Variants in ARPIN observed in about 807,000 individuals in gnomAD.
ARPIN encodes the protein actin related protein 2/3 complex inhibitor.
A neutral mutation model predicts 25.9 loss-of-function variants in ARPIN; 23 were observed. The observed-to-expected ratio is 0.89, with a 90% CI of 0.64 to 1.26. The LOEUF is 1.26. Among genes scored for constraint, ARPIN ranks in the 50% most tolerant of loss-of-function variants. The pLI, the probability that ARPIN is intolerant of heterozygous loss-of-function variation, is 0.00. For missense variants in ARPIN, 333 were observed against 312.2 expected (o/e 1.07, Z -0.50); for synonymous variants, 126 against 131.4 (o/e 0.96, Z 0.28).
In ARPIN at chr15:89,903,248, C is replaced by T; in HGVS notation, c.640G>A (p.Glu214Lys). 6.2e-7 allele frequency: 1 copy of T among 1,614,248 alleles called. No individual in the cohort carries two copies. The highest frequency in any genetic ancestry group is 1.7e-5 in the Admixed American group (1 of 60,032). Residue 214 changes from glutamate to lysine, a missense_variant, in exon 5 of 6, where the codon GAG (glutamate) becomes AAG (lysine). Glu to Lys is a moderately conservative substitution (Grantham distance 56). Coordinates refer to ENST00000357484, the MANE Select transcript of ARPIN (RefSeq NM_182616.4). ...CSKGAAAEIR[E>K]QGDGAEDEEW... ...TCGTCCTCTGCCCCATCCCCCTGCT[C>T]TCGGATCTCCGCTGCAGCCCCCTTC...
chr15:89,910,801 C>T lies in ARPIN; in HGVS notation c.111G>A (p.Leu37=), dbSNP rs372782256. ...GAGATACATCGATCAGTTCTCCCTC[C>T]AGCAGGACACCATTTCCCCTGGGGA... ...AAHQGGNGVL[L]EGELIDVSRH... is the part of the protein sequence containing the mutation. The change falls in exon 2 of 6, where the codon CTG becomes CTA. Residue 37 remains leucine (L), a synonymous_variant. Transcript: ENST00000357484. The T allele has an allele frequency of 1.5e-5, 25 of 1,614,176 alleles. No individual in the cohort carries two copies. The African/African-American group carries it at 2.8e-4, about 18-fold the overall frequency.
At chr15:89,908,607 G>A (rs531049156) in intron 2 of ARPIN, among the ~76,000 whole-genome samples, 195 bp from the exon 3 acceptor site, 59 of 152,222 alleles carry the variant, frequency 3.9e-4, no homozygotes, top group Admixed American at 3.9e-4. Context: ...AGCACCTGCC[G>A]CATATAATGA....
At chr15:89,910,851 G>A in intron 1 of ARPIN, 32 bp from the exon 2 acceptor site, 1 of 1,612,634 alleles carries the variant, frequency 6.2e-7, no homozygotes, top group Non-Finnish European at 8.5e-7. Context: ...AGGATAGCCA[G>A]TTTTGTCAGT....
rs1896932065 is a variant in ARPIN, at chr15:89,896,424, T to C, written c.*5371A>G. 6.6e-6 allele frequency: 1 copy of C among 152,010 alleles called. No individual in the cohort carries two copies. The highest frequency in any genetic ancestry group is 2.4e-5 in the African/African-American group (1 of 41,384). The allele number at this position is 152,010 out of a possible 1,614,324, so 9.4% of individuals were successfully genotyped here. A position where few individuals can be genotyped will look rare whatever the true frequency, so the allele number is the denominator to read the frequency against. On this transcript the variant is annotated 3_prime_UTR_variant, in exon 6 of 6. Transcript: ENST00000357484. The stretch of plus-strand genomic sequence containing the variant: ...ATAATTTTAATATGTGATGTAGGAG[T>C]GGGAAGGAATTCAGTAAATACTATT...
At chr15:89,903,054 G>A in intron 5 of ARPIN, 162 bp downstream of exon 5, 1 of 1,512,816 alleles carries the variant, frequency 6.6e-7, no homozygotes, top group Middle Eastern at 1.7e-4. Context: ...ATACCTTAGA[G>A]GAATTCTCCT....
rs1897072295 is a variant in ARPIN, at chr15:89,903,935, T to C, written c.350A>G (p.Lys117Arg). The C allele has an allele frequency of 6.2e-7, 1 of 1,612,280 alleles. No individual in the cohort carries two copies. Among genetic ancestry groups the C allele is most frequent in the Non-Finnish European group, 8.5e-7 (1 of 1,179,994 alleles). ...DTDRLTPEALKGLVNKPELLA... is the reference protein window; with the variant it reads ...DTDRLTPEALRGLVNKPELLA... ...CAGCTCTGGCTTGTTGACCAGCCCC[T>C]TCAGCGCCTCGGGCGTGAGCCTGTC... The change falls in exon 4 of 6, where the codon AAG becomes AGG. Residue 117 changes from lysine to arginine, a missense_variant. Transcript: ENST00000357484.
At chr15:89,902,333 G>T (rs1383641649) in intron 5 of ARPIN, among the ~76,000 whole-genome samples, 10 of 151,774 alleles carry the variant, frequency 6.6e-5, no homozygotes. Flanking sequence ...GCTTGAACCC[G>T]GGAGGCAAAG....
intron 4 of ARPIN, 106 bp from the exon 5 acceptor site, chr15:89,903,485 T>A: frequency 6.5e-7 from 1 of 1,545,622 alleles, no homozygotes; most frequent in Admixed American, 1.8e-5. Context: ...AAACCACTGT[T>A]TTCTCCAGGC....
chr15:89,908,520 C>T (rs1897167661), intron 2 of ARPIN, 108 bp from the exon 3 acceptor site: 1 of 1,527,748 alleles, frequency 6.5e-7, no homozygotes, highest in Non-Finnish European at 8.8e-7. Context: ...AGAAGCCCAC[C>T]TCAGCTCCAA....
Position 89,901,452 on chromosome 15 carries a change from G to A in ARPIN, c.*343C>T. 3.3e-6 allele frequency: 1 copy of A among 304,522 alleles called. No individual in the cohort carries two copies. The highest frequency in any genetic ancestry group is 6.2e-6 in the Non-Finnish European group (1 of 161,634). 18.9% of individuals were successfully genotyped at this position (304,522 alleles called of 1,614,324 possible). ...CCAACACCTTGGGAGGTGGAGGGGGGTGGATCGCTTGAGTCCAGGAGTTTG... is the reference window on the plus strand; with the variant it reads ...CCAACACCTTGGGAGGTGGAGGGGGATGGATCGCTTGAGTCCAGGAGTTTG... On this transcript the variant is annotated 3_prime_UTR_variant, in exon 6 of 6. Coordinates refer to ENST00000357484, the MANE Select transcript of ARPIN (RefSeq NM_182616.4).
chr15:89,903,169 C>G, intron 5 of ARPIN, 47 bp downstream of exon 5: 1 of 1,614,152 alleles, frequency 6.2e-7, no homozygotes, highest in Non-Finnish European at 8.5e-7. Context: ...CCAGTATGTA[C>G]CATGCTCCTG....
Position 89,903,945 on chromosome 15 carries a change from C to T in ARPIN, c.340G>A (p.Glu114Lys), listed in dbSNP as rs374905219. 66 of 1,610,802 alleles carry T rather than the reference C, an allele frequency of 4.1e-5. No individual in the cohort carries two copies. In the East Asian group the frequency reaches 4.7e-4, roughly 11 times the overall value. Reference protein sequence around the residue: ...AKGDTDRLTPEALKGLVNKPE... With the variant: ...AKGDTDRLTPKALKGLVNKPE... ...TTGTTGACCAGCCCCTTCAGCGCCT[C>T]GGGCGTGAGCCTGTCAGTGTCCCCC... The change falls in exon 4 of 6, where the codon GAG (glutamate) becomes AAG (lysine). Residue 114 changes from glutamate (E) to lysine (K), a missense_variant. Physicochemically the swap from Glu to Lys is moderately conservative, Grantham distance 56 (BLOSUM62 1). Transcript: ENST00000357484.
In ARPIN at chr15:89,897,366, T is replaced by A. The variant is rs186927544; in HGVS notation, c.*4429A>T. Reference sequence around the variant, plus strand: ...CGGGCGTGGTGGCGTGTGCCTGTAATCCCAGCTACTCGGGAGGCTAAGGCA... The same window carrying A: ...CGGGCGTGGTGGCGTGTGCCTGTAAACCCAGCTACTCGGGAGGCTAAGGCA... On this transcript the variant is annotated 3_prime_UTR_variant, in exon 6 of 6. Transcript: ENST00000357484. 21 of 152,276 alleles carry A rather than the reference T, an allele frequency of 1.4e-4. No individual in the cohort carries two copies. The East Asian group carries it at 3.9e-3, about 28-fold the overall frequency. The allele number at this position is 152,276 out of a possible 1,614,324, so 9.4% of individuals were successfully genotyped here. A position where few individuals can be genotyped will look rare whatever the true frequency, so the allele number is the denominator to read the frequency against.
intron 3 of ARPIN, 144 bp from the exon 4 acceptor site, chr15:89,904,127 A>G (rs1897078011): frequency 2.9e-6 from 3 of 1,022,980 alleles, no homozygotes; most frequent in Admixed American, 5.7e-5. Flanking sequence ...GCGAGTCCTC[A>G]TCAAGGAACT....
intron 3 of ARPIN, among the ~76,000 whole-genome samples, chr15:89,904,935 C>A (rs994528706): frequency 6.6e-6 from 1 of 152,166 alleles, no homozygotes; most frequent in African/African-American, 2.4e-5. Context: ...GCCCTGACAC[C>A]CTCTAGACAG....
chr15:89,912,617 A>G, intron 1 of ARPIN, 127 bp downstream of exon 1: 1 of 1,350,772 alleles, frequency 7.4e-7, no homozygotes, highest in Non-Finnish European at 9.4e-7. Flanking sequence ...GGGCGGACTG[A>G]AGGCGGAGAG....
Position 89,910,749 on chromosome 15 carries a change from T to C in ARPIN, c.163A>G (p.Arg55Gly). 2 of 1,614,168 alleles carry C rather than the reference T, an allele frequency of 1.2e-6. No individual in the cohort carries two copies. The highest frequency in any genetic ancestry group is 2.7e-5 in the African/African-American group (2 of 75,068). ...SRHSILDTHG[R>G]KERYYVLYIR... ...CACCGAGGAAGCATCCTCACCTTCC[T>C]GCCATGAGTGTCCAAGATGCTGTGC... The change falls in exon 2 of 6, where the codon AGG becomes GGG. Residue 55 changes from arginine (R) to glycine (G), a missense_variant. By Grantham distance (125) the Arg-to-Gly change is moderately radical. Coordinates refer to ENST00000357484, the MANE Select transcript of ARPIN (RefSeq NM_182616.4).
chr15:89,902,175 G>A (rs527762667), intron 5 of ARPIN, among the ~76,000 whole-genome samples: 1 of 152,310 alleles, frequency 6.6e-6, no homozygotes, highest in African/African-American at 2.4e-5. Context: ...TTGGGAGCCT[G>A]AGGCAGGTGG....
At chr15:89,906,932 G>A (rs1897129870) in intron 3 of ARPIN, among the ~76,000 whole-genome samples, 1 of 151,656 alleles carries the variant, frequency 6.6e-6, no homozygotes, top group Admixed American at 6.6e-5. Context: ...TCCAGCCTGG[G>A]GGACAGAGCC....
Sources: gnomAD v4.1 joint callset for allele counts (sites outside exome capture counted in the v4.1 genomes callset) on GRCh38, gnomAD v4.1.1 for gene constraint, MANE v1.5 for transcripts, NCBI Gene and HGNC (gene_info 2026-07-23, HGNC 2026-07-21) for gene names.